Variants in RRP1B observed in about 807,000 individuals in gnomAD.
RRP1B encodes the protein ribosomal RNA processing protein 1 homolog B.
A neutral mutation model predicts 80.2 loss-of-function variants in RRP1B; 56 were observed. The ratio of observed to expected loss-of-function variants is 0.70; its 90% CI spans 0.56 to 0.87. The LOEUF (loss-of-function observed/expected upper bound fraction) is 0.87. RRP1B is among the 40% of genes least tolerant of loss of function. RRP1B has a pLI of 0.00. For synonymous variants in RRP1B, 351 were observed against 357.6 expected, an observed-to-expected ratio of 0.98 and a Z score of 0.21; for missense variants, 807 against 939.8, an observed-to-expected ratio of 0.86 and a Z score of 1.85.
At chr21:43,685,149 A>T (rs1480118713) in intron 10 of RRP1B, among the ~76,000 whole-genome samples, 1 of 152,150 alleles carries the variant, frequency 6.6e-6, no homozygotes, top group Non-Finnish European at 1.5e-5. Flanking sequence ...CAACTGTCTG[A>T]TCACACTCTA....
At chr21:43,682,945 T>C (rs2083049374) in intron 8 of RRP1B, among the ~76,000 whole-genome samples, 1 of 152,238 alleles carries the variant, frequency 6.6e-6, no homozygotes, top group African/African-American at 2.4e-5. Flanking sequence ...TGATCTTGGC[T>C]CACTGCAACC....
At chr21:43,681,582 G>T (rs924216781) in intron 8 of RRP1B, among the ~76,000 whole-genome samples, 1 of 152,132 alleles carries the variant, frequency 6.6e-6, no homozygotes, top group Non-Finnish European at 1.5e-5. Context: ...TGATCCGCCC[G>T]CCTGGGCCTC....
intron 3 of RRP1B, among the ~76,000 whole-genome samples, chr21:43,672,661 C>G (rs1339968285): frequency 1.3e-5 from 2 of 152,206 alleles, no homozygotes; most frequent in Non-Finnish European, 2.9e-5. Flanking sequence ...ACGGTGACCT[C>G]TGGATGCCAG....
intron 13 of RRP1B, 62 bp from the exon 14 acceptor site, chr21:43,690,225 TG>T: frequency 6.4e-7 from 1 of 1,565,336 alleles, no homozygotes; most frequent in South Asian, 1.2e-5. Flanking sequence ...CCTGTGTGTG[TG>T]GGCAGCACAG....
intron 15 of RRP1B, among the ~76,000 whole-genome samples, chr21:43,692,465 G>A (rs1220287251): frequency 6.6e-6 from 1 of 152,022 alleles, no homozygotes; most frequent in African/African-American, 2.4e-5. Context: ...TGGGCGTAGT[G>A]GCAAGCACCT....
intron 10 of RRP1B, among the ~76,000 whole-genome samples, chr21:43,685,493 G>A (rs1416713334): frequency 6.6e-6 from 1 of 152,220 alleles, no homozygotes; most frequent in Non-Finnish European, 1.5e-5. Context: ...ATTTGGGTGT[G>A]CCAAGATGCA....
chr21:43,659,890 G>A lies in RRP1B; in HGVS notation c.130+96G>A, dbSNP rs2082942251. 1 of 1,284,542 alleles carries A rather than the reference G, an allele frequency of 7.8e-7. No individual in the cohort carries two copies. The highest frequency in any genetic ancestry group is 1.0e-6 in the Non-Finnish European group (1 of 991,006). The allele number at this position is 1,284,542 out of a possible 1,614,324, so 79.6% of individuals were successfully genotyped here. Reference sequence around the variant, plus strand: ...CCCCGGCACGGAATGCGGCTTCCACGTGTTGTCGTGACACCCAGCGTGTGC... The same window carrying A: ...CCCCGGCACGGAATGCGGCTTCCACATGTTGTCGTGACACCCAGCGTGTGC... On this transcript the variant is annotated intron_variant, in intron 1 of 15. Coordinates refer to ENST00000340648, the MANE Select transcript of RRP1B (RefSeq NM_015056.3). The surrounding 1 kb of genome is among the most constrained non-coding windows in gnomAD (Gnocchi z 4.2).
intron 1 of RRP1B, among the ~76,000 whole-genome samples, chr21:43,669,260 C>T (rs532335837): frequency 4.6e-5 from 7 of 152,268 alleles, no homozygotes; most frequent in African/African-American, 1.4e-4. Flanking sequence ...ATCACCGTTA[C>T]AGGGAGGGTG....
intron 8 of RRP1B, among the ~76,000 whole-genome samples, 167 bp from the exon 9 acceptor site, chr21:43,683,112 A>G (rs961071782): frequency 2.2e-4 from 33 of 152,196 alleles, no homozygotes; most frequent in African/African-American, 7.2e-4. Context: ...GCCTCAAGTG[A>G]TCCACCCACC....
chr21:43,663,139 T>C (rs1327897678), intron 1 of RRP1B, among the ~76,000 whole-genome samples: 1 of 152,220 alleles, frequency 6.6e-6, no homozygotes, highest in Non-Finnish European at 1.5e-5. Flanking sequence ...TTTAACACTT[T>C]ACCCCCATCT....
In RRP1B at chr21:43,691,348, C is replaced by CCCTCCAGG; in HGVS notation, c.2020-90_2020-83dup. On this transcript the variant is annotated intron_variant, in intron 14 of 15. Transcript: ENST00000340648. This position sits in a 1 kb window ranked among gnomAD's most constrained non-coding sequence, Gnocchi z 4.2. ...AGTAAGCAGCAGTGTGGGCGGCATA[C>CCCTCCAGG]CCTCCAGGGCAGGTTCTCCAGAAAA... The CCCTCCAGG allele has an allele frequency of 1.7e-6, 2 of 1,189,574 alleles. No homozygotes were observed. Among genetic ancestry groups the CCCTCCAGG allele is most frequent in the Non-Finnish European group, 2.5e-6 (2 of 810,940 alleles). 73.7% of individuals were successfully genotyped at this position (1,189,574 alleles called of 1,614,324 possible).
At chr21:43,673,322 TTC>T (rs2083007339) in intron 3 of RRP1B, among the ~76,000 whole-genome samples, 1 of 152,196 alleles carries the variant, frequency 6.6e-6, no homozygotes, top group Admixed American at 6.5e-5. Context: ...CTTCCGGTTA[TTC>T]TGTTTTTATT....
At chr21:43,685,188 T>A (rs2083058386) in intron 10 of RRP1B, among the ~76,000 whole-genome samples, 1 of 152,154 alleles carries the variant, frequency 6.6e-6, no homozygotes, top group Non-Finnish European at 1.5e-5. Flanking sequence ...GAGCACTTTG[T>A]ATACATTCAA....
intron 8 of RRP1B, among the ~76,000 whole-genome samples, chr21:43,679,645 G>A (rs772603674): frequency 3.3e-5 from 5 of 152,148 alleles, no homozygotes; most frequent in Admixed American, 6.5e-5. Context: ...TGAATTTTAG[G>A]ATTGTTTTTT....
rs375690288 is a variant in RRP1B, at chr21:43,691,539, G to A, written c.2083+37G>A. 2 of 1,600,436 alleles carry A rather than the reference G, an allele frequency of 1.2e-6. No homozygotes were observed. The highest frequency in any genetic ancestry group is 2.2e-5 in the East Asian group (1 of 44,822). On this transcript the variant is annotated intron_variant, in intron 15 of 15. Coordinates refer to ENST00000340648, the MANE Select transcript of RRP1B (RefSeq NM_015056.3). This position sits in a 1 kb window ranked among gnomAD's most constrained non-coding sequence, Gnocchi z 4.2. ...TTTGCCAGCGGCAAGCTTCTCTGGA[G>A]CACAGCTGCAGCTCCTGGCGCGGCT...
intron 6 of RRP1B, 53 bp from the exon 7 acceptor site, chr21:43,676,219 A>C: frequency 7.7e-7 from 1 of 1,297,524 alleles, no homozygotes; most frequent in South Asian, 1.2e-5. Flanking sequence ...TTTCAAGGAC[A>C]TGTCAAGAAG....
At chr21:43,681,065 C>A (rs2083041321) in intron 8 of RRP1B, among the ~76,000 whole-genome samples, 1 of 152,010 alleles carries the variant, frequency 6.6e-6, no homozygotes, top group Non-Finnish European at 1.5e-5. Flanking sequence ...CATGGTGAAA[C>A]CAAGTCTCTA....
intron 1 of RRP1B, among the ~76,000 whole-genome samples, chr21:43,666,568 CTT>C (rs2082978879): frequency 1.3e-5 from 2 of 152,090 alleles, no homozygotes; most frequent in Non-Finnish European, 2.9e-5. Context: ...AACTACAAAA[CTT>C]AGCTGGGTGC....
intron 2 of RRP1B, among the ~76,000 whole-genome samples, chr21:43,671,573 G>T (rs184717295): frequency 3.6e-4 from 55 of 151,844 alleles, no homozygotes; most frequent in Middle Eastern, 3.4e-3. Flanking sequence ...TCATTGTGTT[G>T]CCTAGGCTGG....
Sources: allele counts gnomAD v4.1 joint callset (sites outside exome capture counted in the v4.1 genomes callset), GRCh38; gene constraint gnomAD v4.1.1; non-coding constraint Gnocchi (gnomAD v3.1); transcripts MANE v1.5; gene names NCBI Gene and HGNC (gene_info 2026-07-23, HGNC 2026-07-21).